Variants in USP54 observed in about 807,000 individuals in gnomAD.
USP54 encodes ubiquitin carboxyl-terminal hydrolase 54.
A neutral mutation model predicts 170.5 loss-of-function variants in USP54; 87 were observed. That is an observed-to-expected ratio of 0.51 (90% confidence interval 0.43 to 0.61). The LOEUF (loss-of-function observed/expected upper bound fraction) is 0.61. Among genes scored for constraint, USP54 ranks in the 20% least tolerant of loss-of-function variants. The pLI is 0.00. For synonymous variants in USP54, 655 were observed against 742.8 expected, an observed-to-expected ratio of 0.88 and a Z score of 1.92; for missense variants, 1,786 against 2,047.8, an observed-to-expected ratio of 0.87 and a Z score of 2.47.
At chr10:73,536,109 C>G (rs1838345257) in intron 11 of USP54, 160 bp downstream of exon 11, 1 of 981,322 alleles carries the variant, frequency 1.0e-6, no homozygotes, top group Non-Finnish European at 1.5e-6. Context: ...AAGGCTGGCC[C>G]AAGTTAGGCT....
intron 4 of USP54, among the ~76,000 whole-genome samples, chr10:73,548,036 A>C (rs192617441): frequency 0.052 from 7,770 of 150,470 alleles, 610 homozygotes; most frequent in African/African-American, 0.17. Context: ...AATTTACAAG[A>C]AAAAAAAAAT....
At chr10:73,557,847 C>G (rs979871163) in intron 4 of USP54, among the ~76,000 whole-genome samples, 2 of 150,224 alleles carry the variant, frequency 1.3e-5, no homozygotes, top group African/African-American at 4.9e-5. Flanking sequence ...ACATCAAGAC[C>G]AGCTCAAGAA....
chr10:73,599,865 A>C (rs1043784570), intron 1 of USP54, among the ~76,000 whole-genome samples: 1 of 151,478 alleles, frequency 6.6e-6, no homozygotes, highest in African/African-American at 2.4e-5. Flanking sequence ...CAAGGTAAAG[A>C]GCTACAATGA....
At chr10:73,499,717 T>G (rs1171931308) in intron 23 of USP54, 1 of 152,656 alleles carries the variant, frequency 6.6e-6, no homozygotes. Context: ...GCTTTTTTTT[T>G]GTTTCTCCAA....
chr10:73,523,612 A>G lies in USP54; in HGVS notation c.2333T>C (p.Phe778Ser). The change falls in exon 17 of 24, where the codon TTC becomes TCC. Residue 778 changes from phenylalanine (F) to serine (S), a missense_variant. Physicochemically the swap from Phe to Ser is radical, Grantham distance 155 (BLOSUM62 -2). Transcript: ENST00000687698. ...AKGFNPHPSR[F>S]MDLDELQNQG... ...ATTCTGCAGTTCATCCAAGTCCATGAAGCGGCTAGGATGAGGGTTAAACCC... is the reference window on the plus strand; with the variant it reads ...ATTCTGCAGTTCATCCAAGTCCATGGAGCGGCTAGGATGAGGGTTAAACCC... 6.2e-7 allele frequency: 1 copy of G among 1,610,074 alleles called. No homozygotes were observed. Among genetic ancestry groups the G allele is most frequent in the South Asian group, 1.1e-5 (1 of 90,604 alleles).
chr10:73,541,572 T>G (rs758154179), intron 8 of USP54, 51 bp from the exon 9 acceptor site: 195 of 1,613,334 alleles, frequency 1.2e-4, no homozygotes, highest in Non-Finnish European at 1.5e-4. Context: ...TGGCTTTGCA[T>G]CAATTCCACT....
In USP54 at chr10:73,529,917, C is replaced by A. The variant is rs1365813557; in HGVS notation, c.1829-6G>T. ...ATCTGGTATAAATTCTTTAGCTATC[C>A]CAATCAAAAGACAGGTATGGAAAAT... On this transcript the variant is annotated splice_region_variant and splice_polypyrimidine_tract_variant and intron_variant, in intron 14 of 23. Transcript: ENST00000687698. 6.6e-7 allele frequency: 1 copy of A among 1,521,380 alleles called. No individual in the cohort carries two copies. The allele number at this position is 1,521,380 out of a possible 1,614,324, so 94.2% of individuals were successfully genotyped here. A position where few individuals can be genotyped will look rare whatever the true frequency, so the allele number is the denominator to read the frequency against.
intron 9 of USP54, among the ~76,000 whole-genome samples, chr10:73,540,815 TA>T (rs1357542056): frequency 6.6e-6 from 1 of 152,132 alleles, no homozygotes; most frequent in Non-Finnish European, 1.5e-5. Context: ...AAACCTAAAA[TA>T]AGATCCCAGA....
chr10:73,542,284 G>A (rs1352804383), intron 7 of USP54, among the ~76,000 whole-genome samples: 2 of 152,136 alleles, frequency 1.3e-5, no homozygotes, highest in Non-Finnish European at 2.9e-5. Flanking sequence ...ATTTTTAGTA[G>A]AGACAGGGTT....
chr10:73,569,747 C>T (rs1009762773), intron 4 of USP54, among the ~76,000 whole-genome samples: 2 of 143,136 alleles, frequency 1.4e-5, no homozygotes, highest in African/African-American at 5.1e-5. Flanking sequence ...AGTGAAAATC[C>T]GTCTCAAAAA....
chr10:73,572,194 A>C (rs1409210885), intron 3 of USP54, among the ~76,000 whole-genome samples: 2 of 152,208 alleles, frequency 1.3e-5, no homozygotes, highest in Admixed American at 6.5e-5. Context: ...ATATCCAAAA[A>C]AATACTTGAT....
intron 16 of USP54, 22 bp downstream of exon 16, chr10:73,526,625 A>G (rs781632685): frequency 6.2e-7 from 1 of 1,612,750 alleles, no homozygotes; most frequent in Non-Finnish European, 8.5e-7. Context: ...CCAGTCCTCA[A>G]ATTCAGTGTC....
chr10:73,603,455 C>G (rs1371712992), intron 1 of USP54, among the ~76,000 whole-genome samples: 2 of 152,196 alleles, frequency 1.3e-5, no homozygotes, highest in Non-Finnish European at 2.9e-5. Flanking sequence ...TGGCTCACAT[C>G]TGTAATGCCA....
chr10:73,561,460 AT>A (rs995390813), intron 4 of USP54, among the ~76,000 whole-genome samples: 1 of 151,886 alleles, frequency 6.6e-6, no homozygotes, highest in Non-Finnish European at 1.5e-5. Context: ...TCCTGTCTCC[AT>A]TTTTTTTAAT....
At chr10:73,591,377 C>G (rs1184435301), upstream of USP54, 4 of 152,044 alleles carry the variant, frequency 2.6e-5, no homozygotes, top group Non-Finnish European at 5.9e-5. Context: ...ATAGCTAGAG[C>G]TGTGGGGAGG....
intron 17 of USP54, among the ~76,000 whole-genome samples, chr10:73,522,607 G>C (rs1157003979): frequency 6.6e-6 from 1 of 152,116 alleles, no homozygotes; most frequent in Non-Finnish European, 1.5e-5. Flanking sequence ...GATACAGCTT[G>C]AGGTCAAAAA....
intron 21 of USP54, 81 bp downstream of exon 21, chr10:73,505,227 A>G (rs1320179125): frequency 3.5e-6 from 5 of 1,410,452 alleles, no homozygotes; most frequent in Middle Eastern, 1.9e-4. Context: ...CTGCCTTATC[A>G]TCATCCCTGT....
intron 1 of USP54, among the ~76,000 whole-genome samples, chr10:73,605,880 T>C (rs185237485): frequency 5.9e-4 from 90 of 151,952 alleles, no homozygotes; most frequent in Non-Finnish European, 1.1e-3. Flanking sequence ...CTCAGTTTTA[T>C]GAGATGAAAC....
In USP54 at chr10:73,500,654, C is replaced by T. The variant is rs1451526798; in HGVS notation, c.4495+1G>A. On this transcript the variant is annotated splice_donor_variant, in intron 23 of 23. Transcript: ENST00000687698. LOFTEE classifies it high-confidence loss of function. ...TATAATATTAGATTTGGGGGAGTTA[C>T]CTGGGAGTCTATTGGGCTCCCCTGC... 2 of 1,590,112 alleles carry T rather than the reference C, an allele frequency of 1.3e-6. No homozygotes were observed. Among genetic ancestry groups the T allele is most frequent in the Non-Finnish European group, 1.7e-6 (2 of 1,170,630 alleles).
Sources: allele counts gnomAD v4.1 joint callset (sites outside exome capture counted in the v4.1 genomes callset), GRCh38; gene constraint gnomAD v4.1.1; transcripts MANE v1.5; gene names NCBI Gene and HGNC (gene_info 2026-07-23, HGNC 2026-07-21).